The following DMD variants were observed in gnomAD, a reference collection of about 807,000 sequenced individuals.
The protein encoded by DMD is dystrophin, also known as mutant dystrophin.
In DMD, 63 loss-of-function variants were observed where a neutral mutation model predicts 330.1. The observed-to-expected ratio is 0.19, with a 90% CI of 0.16 to 0.24. DMD has a LOEUF of 0.24. Ranked by LOEUF, DMD falls within the 10% of genes least tolerant of loss-of-function variation. The pLI, the probability that DMD is intolerant of heterozygous loss-of-function variation, is 1.00. For missense variants in DMD, 3,344 were observed against 2,684.1 expected, an observed-to-expected ratio of 1.25 and a Z score of -5.43; for synonymous variants, 1,223 against 959.8, an observed-to-expected ratio of 1.27 and a Z score of -5.07.
chrX:33,300,216 T>C (rs150419380), intron 1 of DMD, among the ~76,000 whole-genome samples: 206 of 112,613 alleles, frequency 1.8e-3, no homozygotes, highest in African/African-American at 6.4e-3. Flanking sequence ...GATTGTTGCA[T>C]TGAACATGCA....
At chrX:32,728,727 C>G (rs1443201746) in intron 7 of DMD, among the ~76,000 whole-genome samples, 1 of 111,830 alleles carries the variant, frequency 8.9e-6, no homozygotes, top group South Asian at 3.7e-4. Flanking sequence ...TTTTCTTCCT[C>G]TTCTTCTTCC....
At chrX:32,834,707 A>G (rs1389437339) in intron 4 of DMD, among the ~76,000 whole-genome samples, 3 of 111,791 alleles carry the variant, frequency 2.7e-5, no homozygotes, top group African/African-American at 9.7e-5. Context: ...ACTTGGTAAA[A>G]ACTTACCACC....
chrX:32,294,743 A>G (rs1342847591), intron 42 of DMD, among the ~76,000 whole-genome samples: 1 of 111,359 alleles, frequency 9.0e-6, no homozygotes, highest in African/African-American at 3.3e-5. Flanking sequence ...CATCCTTTTT[A>G]AAGTCCCTGC....
chrX:31,451,506 T>G (rs1200886040), intron 59 of DMD, among the ~76,000 whole-genome samples: 1 of 110,001 alleles, frequency 9.1e-6, no homozygotes, highest in Non-Finnish European at 1.9e-5. Flanking sequence ...GGTCTTGAAC[T>G]CTTGACCTCA....
At chrX:32,882,675 T>A (rs1160722612) in intron 2 of DMD, among the ~76,000 whole-genome samples, 2 of 112,442 alleles carry the variant, frequency 1.8e-5, no homozygotes, top group East Asian at 2.8e-4. Flanking sequence ...CTCAGTTGTA[T>A]TAGAGTCAAA....
intron 1 of DMD, among the ~76,000 whole-genome samples, chrX:33,239,030 T>A (rs1986274): frequency 9.3e-6 from 1 of 108,012 alleles, no homozygotes; most frequent in African/African-American, 3.4e-5. Context: ...GCTGAGGGGG[T>A]TAGATCACTT....
chrX:31,751,247 T>C lies in DMD; in HGVS notation c.7543-21499A>G, dbSNP rs774047276. ...CATCACGCTACCTGACTTCAAACTA[T>C]ACTAAAGGATAGCATTTGAACTCAG... On this transcript the variant is annotated intron_variant, in intron 51 of 78. Coordinates refer to ENST00000357033, the MANE Select transcript of DMD (RefSeq NM_004006.3). 3.0e-4 allele frequency among the ~76,000 whole-genome samples: 33 copies of C among 111,270 alleles called. No homozygotes were observed. The East Asian group carries it at 7.3e-3, about 25-fold the overall frequency.
At chrX:33,080,335 C>T (rs2094909387) in intron 1 of DMD, among the ~76,000 whole-genome samples, 1 of 111,073 alleles carries the variant, frequency 9.0e-6, no homozygotes, top group Admixed American at 9.6e-5. Context: ...TTGCTTAAAC[C>T]CTCAGTTTCG....
chrX:31,148,695 T>C (rs944086188), intron 74 of DMD, among the ~76,000 whole-genome samples: 20 of 111,909 alleles, frequency 1.8e-4, no homozygotes, highest in African/African-American at 5.5e-4. Flanking sequence ...GGTTTTCCAT[T>C]TGGCCCACCT....
At position 32,237,868 on chromosome X, in the gene DMD, T is replaced by C. The variant is rs771131934; in HGVS notation, c.6291-20805A>G. On this transcript the variant is annotated intron_variant, in intron 43 of 78. Coordinates refer to ENST00000357033, the MANE Select transcript of DMD (RefSeq NM_004006.3). ...ACTTGTGTTGGATATGTTGCAAAGA[T>C]ACAAAATCAACCTTTGTGTTTCTAG... is the stretch of plus-strand genomic sequence containing the variant. Among the ~76,000 whole-genome samples, 3 of 112,007 alleles carry C rather than the reference T, an allele frequency of 2.7e-5. No individual in the cohort carries two copies. The East Asian group carries it at 8.5e-4, about 32-fold the overall frequency.
At chrX:31,416,212 C>T (rs2061864635) in intron 60 of DMD, among the ~76,000 whole-genome samples, 1 of 111,838 alleles carries the variant, frequency 8.9e-6, no homozygotes, top group African/African-American at 3.3e-5. Context: ...GGCCAAAACC[C>T]AGAGACTGCT....
intron 4 of DMD, among the ~76,000 whole-genome samples, chrX:32,826,543 G>A (rs1226120474): frequency 4.5e-5 from 5 of 111,522 alleles, no homozygotes; most frequent in Non-Finnish European, 9.4e-5. Flanking sequence ...CCTCTCATTT[G>A]CAATGAAATT....
intron 1 of DMD, among the ~76,000 whole-genome samples, chrX:33,201,571 G>A (rs2051274915): frequency 9.0e-6 from 1 of 111,397 alleles, no homozygotes; most frequent in African/African-American, 3.3e-5. Context: ...CTCTAGAATT[G>A]TACAGTGTAC....
rs1195323381 is a variant in DMD, at chrX:32,697,897, G to A, written c.933C>T (p.Asp311=). 1 of 1,210,212 alleles carries A rather than the reference G, an allele frequency of 8.3e-7. No individual in the cohort carries two copies. Among genetic ancestry groups the A allele is most frequent in the Non-Finnish European group, 1.1e-6 (1 of 894,862 alleles). The change falls in exon 9 of 79, where the codon GAC becomes GAT. Residue 311 remains aspartate, a synonymous_variant. Coordinates refer to ENST00000357033, the MANE Select transcript of DMD (RefSeq NM_004006.3). ...GTGAAGGAAATGGGCTCCGTGTAGG[G>A]TCAGAGGTGGTGACATAAGCAGCCT... ...YTQAAYVTTS[D]PTRSPFPSQH...
At chrX:31,513,068 T>A (rs1211618364) in intron 55 of DMD, among the ~76,000 whole-genome samples, 2 of 100,286 alleles carry the variant, frequency 2.0e-5, no homozygotes, top group African/African-American at 7.4e-5. Context: ...GTAAGTTGCA[T>A]TCCTAGGTAT....
At chrX:31,988,252 C>T (rs1283730185) in intron 44 of DMD, among the ~76,000 whole-genome samples, 1 of 109,713 alleles carries the variant, frequency 9.1e-6, no homozygotes, top group Non-Finnish European at 1.9e-5. Context: ...GTGGGTGGAT[C>T]ATGAGGTCAG....
At chrX:32,981,221 T>G (rs2092700100) in intron 2 of DMD, among the ~76,000 whole-genome samples, 1 of 112,049 alleles carries the variant, frequency 8.9e-6, no homozygotes, top group South Asian at 3.7e-4. Flanking sequence ...AGAGTTTGCT[T>G]ATTCAAACTT....
At chrX:31,766,039 A>G (rs1319901642) in intron 51 of DMD, among the ~76,000 whole-genome samples, 1 of 111,474 alleles carries the variant, frequency 9.0e-6, no homozygotes, top group African/African-American at 3.3e-5. Flanking sequence ...ACCAAAAGTT[A>G]TGGTGAAATG....
intron 21 of DMD, among the ~76,000 whole-genome samples, chrX:32,474,204 T>TACACAC (rs1389594342): frequency 1.9e-4 from 7 of 37,612 alleles, no homozygotes; most frequent in African/African-American, 3.4e-4. Flanking sequence ...TATACATACA[T>TACACAC]ACATACACAC....
Sources: allele counts gnomAD v4.1 joint callset (sites outside exome capture counted in the v4.1 genomes callset), GRCh38; gene constraint gnomAD v4.1.1; transcripts MANE v1.5; gene names NCBI Gene and HGNC (gene_info 2026-07-23, HGNC 2026-07-21).